The following EARS2 variants were observed in gnomAD, a reference collection of about 807,000 sequenced individuals.
EARS2 encodes the protein nondiscriminating glutamyl-tRNA synthetase EARS2, mitochondrial.
In EARS2, 50 loss-of-function variants were observed where a neutral mutation model predicts 54.1. That is an observed-to-expected ratio of 0.92 (90% CI 0.74 to 1.17). EARS2 has a LOEUF of 1.17. EARS2 is among the 50% of genes most tolerant of loss of function. The pLI is 0.00. For missense variants in EARS2, 673 were observed against 675.0 expected (o/e 1.00, Z 0.03); for synonymous variants, 298 against 281.0 (o/e 1.06, Z -0.61).
intron 3 of EARS2, among the ~76,000 whole-genome samples, chr16:23,541,698 TC>T (rs1263799044): frequency 1.4e-5 from 2 of 141,884 alleles, no homozygotes; most frequent in African/African-American, 5.8e-5. Context: ...TTGTGGATCT[TC>T]TTTTTTTTTT....
intron 2 of EARS2, among the ~76,000 whole-genome samples, chr16:23,551,777 C>G (rs991286922): frequency 6.6e-6 from 1 of 152,158 alleles, no homozygotes; most frequent in African/African-American, 2.4e-5. Flanking sequence ...AAAACTTAGC[C>G]GGGCGTGGTG....
intron 2 of EARS2, among the ~76,000 whole-genome samples, chr16:23,546,943 T>G (rs971328372): frequency 6.6e-6 from 1 of 152,180 alleles, no homozygotes; most frequent in Non-Finnish European, 1.5e-5. Context: ...TCGGGTAAAT[T>G]TGGGGGGATC....
At chr16:23,554,616 G>A (rs1447781278) in intron 1 of EARS2, among the ~76,000 whole-genome samples, 2 of 152,196 alleles carry the variant, frequency 1.3e-5, no homozygotes, top group Admixed American at 1.3e-4. Context: ...ACACTGATGT[G>A]TGTAACCTTC....
At chr16:23,526,001 A>G (rs1450689959) in intron 7 of EARS2, among the ~76,000 whole-genome samples, 2 of 60,242 alleles carry the variant, frequency 3.3e-5, no homozygotes, top group East Asian at 7.1e-4. Flanking sequence ...TTGTTTCAAA[A>G]TAAAAAAAAA....
chr16:23,544,774 T>C, intron 2 of EARS2, 71 bp from the exon 3 acceptor site: 1 of 1,317,386 alleles, frequency 7.6e-7, no homozygotes. Flanking sequence ...CTAAGCACTT[T>C]ATGCACATAT....
chr16:23,547,760 G>A (rs531931479), intron 2 of EARS2, among the ~76,000 whole-genome samples: 3 of 151,996 alleles, frequency 2.0e-5, no homozygotes, highest in African/African-American at 7.2e-5. Flanking sequence ...GCCCAGACAA[G>A]AGCCACCCCA....
rs576460525 is a variant in EARS2 at position 23,529,957 on chromosome 16, C to G, written c.1068-60G>C. On this transcript the variant is annotated intron_variant, in intron 5 of 8. Transcript: ENST00000449606. Reference sequence around the variant, plus strand: ...ACACCCCAACCCACCCAAACCGTCTCTCCCCCAGGGAAAGGGTGAAGTTGG... The same window carrying G: ...ACACCCCAACCCACCCAAACCGTCTGTCCCCCAGGGAAAGGGTGAAGTTGG... The G allele has an allele frequency of 5.9e-5, 94 of 1,589,368 alleles. No homozygotes were observed. In the Admixed American group the frequency reaches 8.5e-4, roughly 14 times the overall value.
chr16:23,529,707 AC>A, intron 6 of EARS2, 36 bp downstream of exon 6: 1 of 1,608,004 alleles, frequency 6.2e-7, no homozygotes, highest in Non-Finnish European at 8.5e-7. Flanking sequence ...GCACCCAGTA[AC>A]CCCTCCCTCA....
At position 23,544,690 on chromosome 16, in the gene EARS2, A is replaced by G. The variant is rs763584042; in HGVS notation, c.309T>C (p.Asp103=). 3.1e-6 allele frequency: 5 copies of G among 1,602,662 alleles called. No individual in the cohort carries two copies. Among genetic ancestry groups the G allele is most frequent in the Non-Finnish European group, 4.3e-6 (5 of 1,175,836 alleles). ...DMLEWAGIPP[D]ESPRRGGPAG... is the part of the protein sequence containing the mutation. ...CAGGACCGCCCCGGCGGGGGCTCTC[A>G]TCAGGCGGGATGCCTGGAACACAGG... Residue 103 remains aspartate, a synonymous_variant, in exon 3 of 9, where the codon GAT becomes GAC. Coordinates refer to ENST00000449606, the MANE Select transcript of EARS2 (RefSeq NM_001083614.2).
chr16:23,542,766 G>A (rs568825338), intron 3 of EARS2, among the ~76,000 whole-genome samples: 3 of 152,070 alleles, frequency 2.0e-5, no homozygotes, highest in African/African-American at 7.2e-5. Context: ...GTGTGGGCTG[G>A]GCCTAGTGAC....
At chr16:23,537,376 C>T (rs1165260759) in intron 3 of EARS2, 2 of 153,910 alleles carry the variant, frequency 1.3e-5, no homozygotes, top group African/African-American at 4.8e-5. Flanking sequence ...AGATTACAGG[C>T]CACTGTACTC....
chr16:23,556,802 G>A, intron 1 of EARS2: 2 of 453,098 alleles, frequency 4.4e-6, no homozygotes, highest in South Asian at 3.3e-5. Flanking sequence ...TTCCCGCATG[G>A]CACATGTGAC....
At chr16:23,524,663 T>TTC (rs1965194588) in intron 8 of EARS2, among the ~76,000 whole-genome samples, 1 of 150,990 alleles carries the variant, frequency 6.6e-6, no homozygotes, top group South Asian at 2.1e-4. Flanking sequence ...TTTTTTTTTT[T>TTC]TGAGATAGAG....
chr16:23,534,899 G>C lies in EARS2; in HGVS notation c.947C>G (p.Ser316Ter). 1 of 1,576,404 alleles carries C rather than the reference G, an allele frequency of 6.3e-7. No individual in the cohort carries two copies. Among genetic ancestry groups the C allele is most frequent in the Non-Finnish European group, 8.6e-7 (1 of 1,158,078 alleles). The change falls in exon 4 of 9, where the codon TCA becomes TGA. Residue 316 changes from serine (S) to a stop codon, truncating the protein, a stop_gained. Coordinates refer to ENST00000449606, the MANE Select transcript of EARS2 (RefSeq NM_001083614.2). LOFTEE classifies it high-confidence loss of function. ...SLLDIITNCG[S>*]GFAENQMGRT... ...AGGTGGGCACGTACCTGCAAAACCT[G>C]AGCCACAGTTGGTGATGATGTCCAA...
intron 3 of EARS2, among the ~76,000 whole-genome samples, chr16:23,536,231 C>T (rs1308031219): frequency 1.3e-5 from 2 of 152,180 alleles, no homozygotes; most frequent in Non-Finnish European, 2.9e-5. Context: ...CCACTAACTG[C>T]ACCCAAAAGC....
chr16:23,526,598 G>A (rs1965233509), intron 7 of EARS2, among the ~76,000 whole-genome samples: 1 of 152,166 alleles, frequency 6.6e-6, no homozygotes, highest in Non-Finnish European at 1.5e-5. Context: ...GAAATTATCT[G>A]AAATACAGCT....
chr16:23,533,746 C>A (rs1965364933), intron 4 of EARS2, among the ~76,000 whole-genome samples: 1 of 152,088 alleles, frequency 6.6e-6, no homozygotes, highest in African/African-American at 2.4e-5. Flanking sequence ...CTAGCTGATT[C>A]CAAAGCACGA....
chr16:23,536,919 G>A (rs1216401905), intron 3 of EARS2: 1 of 152,296 alleles, frequency 6.6e-6, no homozygotes, highest in Non-Finnish European at 1.5e-5. Context: ...CTGATCTCGT[G>A]ATCTACCCGC....
At chr16:23,544,174 C>T (rs1039146324) in intron 3 of EARS2, among the ~76,000 whole-genome samples, 5 of 152,180 alleles carry the variant, frequency 3.3e-5, no homozygotes, top group African/African-American at 9.7e-5. Context: ...CTGGCTGCCA[C>T]GCTGTAAGCT....
Sources: gnomAD v4.1 joint callset for allele counts (sites outside exome capture counted in the v4.1 genomes callset) on GRCh38, gnomAD v4.1.1 for gene constraint, MANE v1.5 for transcripts, NCBI Gene and HGNC (gene_info 2026-07-23, HGNC 2026-07-21) for gene names.